The following CCDC91 variants were observed in gnomAD, a reference collection of about 807,000 sequenced individuals.
The protein encoded by CCDC91 is coiled-coil domain containing 91, also known as coiled-coil domain-containing protein 91.
A neutral mutation model predicts 63.2 loss-of-function variants in CCDC91; 48 were observed. The observed-to-expected ratio is 0.76, with a 90% confidence interval of 0.60 to 0.97. The LOEUF (loss-of-function observed/expected upper bound fraction) is 0.97. Among genes scored for constraint, CCDC91 ranks in the 50% least tolerant of loss-of-function variants. The pLI, the probability that CCDC91 is intolerant of heterozygous loss-of-function variation, is 0.00. For synonymous variants in CCDC91, 167 were observed against 165.8 expected, an observed-to-expected ratio of 1.01 and a Z score of -0.06; for missense variants, 500 against 494.6, an observed-to-expected ratio of 1.01 and a Z score of -0.10.
At chr12:28,292,169 A>G (rs1208612392) in intron 3 of CCDC91, among the ~76,000 whole-genome samples, 1 of 152,250 alleles carries the variant, frequency 6.6e-6, no homozygotes, top group Non-Finnish European at 1.5e-5. Context: ...CAGCAAAAGA[A>G]CATAAAGTGA....
At chr12:28,421,762 T>C (rs1565947057) in intron 8 of CCDC91, among the ~76,000 whole-genome samples, 1 of 152,040 alleles carries the variant, frequency 6.6e-6, no homozygotes, top group Non-Finnish European at 1.5e-5. Context: ...CTTAAGGATT[T>C]TGTACTTGCT....
chr12:28,432,485 A>G (rs1346656023), intron 8 of CCDC91, among the ~76,000 whole-genome samples: 1 of 152,016 alleles, frequency 6.6e-6, no homozygotes, highest in African/African-American at 2.4e-5. Context: ...CTGCCACGTA[A>G]GACTTGCTTG....
chr12:28,425,946 A>C (rs1446519491), intron 8 of CCDC91, among the ~76,000 whole-genome samples: 1 of 152,196 alleles, frequency 6.6e-6, no homozygotes, highest in African/African-American at 2.4e-5. Context: ...CACAATGTTC[A>C]TCCTGTTTCT....
chr12:28,398,132 T>C (rs1417148619), intron 8 of CCDC91, among the ~76,000 whole-genome samples: 1 of 152,184 alleles, frequency 6.6e-6, no homozygotes, highest in Non-Finnish European at 1.5e-5. Context: ...AATCAAGATA[T>C]AGAACATTTC....
chr12:28,264,585 C>CTGTCTGTG (rs1555169638), intron 3 of CCDC91, among the ~76,000 whole-genome samples: 5 of 137,258 alleles, frequency 3.6e-5, no homozygotes, highest in South Asian at 4.7e-4. Context: ...ATATGTCTGT[C>CTGTCTGTG]TGTGTGTGTG....
In CCDC91 at chr12:28,262,865, A is replaced by G. The variant is rs570504049; in HGVS notation, c.109+3423A>G. The stretch of plus-strand genomic sequence containing the variant: ...ATTCCTTTACTCTCCATAAACATTT[A>G]GAAATTATTACTTTATTTTAGTGAA... On this transcript the variant is annotated intron_variant, in intron 3 of 12. Coordinates refer to ENST00000536442, the MANE Select transcript of CCDC91 (RefSeq NM_018318.5). 2.0e-5 allele frequency among the ~76,000 whole-genome samples: 3 copies of G among 152,138 alleles called. No homozygotes were observed. The East Asian group carries it at 5.8e-4, about 29-fold the overall frequency.
Position 28,484,088 on chromosome 12 carries a change from CG to C in CCDC91, c.1139del (p.Arg380GlnfsTer10), listed in dbSNP as rs779165333. 6.2e-7 allele frequency: 1 copy of C among 1,610,782 alleles called. No individual in the cohort carries two copies. ...GGCAGCAATAATAGAAGAGCAGAAA[CG>C]AAGTGAAAAGGCTGTGGAAGAGGCA... ...VKAAIIEEQK[R>X]SEKAVEEAVK... is the part of the protein sequence containing the mutation. On this transcript the variant is annotated frameshift_variant, in exon 12 of 13. Coordinates refer to ENST00000536442, the MANE Select transcript of CCDC91 (RefSeq NM_018318.5). LOFTEE classifies it high-confidence loss of function.
chr12:28,531,709 G>T (rs1426328933), intron 12 of CCDC91, among the ~76,000 whole-genome samples: 1 of 152,128 alleles, frequency 6.6e-6, no homozygotes, highest in African/African-American at 2.4e-5. Context: ...AATAAAGTAA[G>T]TAATTGTCTC....
chr12:28,256,775 T>G (rs1042435638), intron 1 of CCDC91: 1 of 154,772 alleles, frequency 6.5e-6, no homozygotes, highest in African/African-American at 2.4e-5. Flanking sequence ...GCCTTGGCCC[T>G]GAAACCGAGG....
At chr12:28,382,086 A>G (rs1205777871) in intron 7 of CCDC91, among the ~76,000 whole-genome samples, 1 of 152,100 alleles carries the variant, frequency 6.6e-6, no homozygotes, top group Non-Finnish European at 1.5e-5. Flanking sequence ...ATCTAAGTTC[A>G]CAAACTCATT....
chr12:28,347,507 C>T (rs926328181), intron 6 of CCDC91, among the ~76,000 whole-genome samples: 2 of 152,174 alleles, frequency 1.3e-5, no homozygotes, highest in African/African-American at 2.4e-5. Context: ...TCAGTCCATT[C>T]CCATTCAGAT....
rs1943224486 is a variant in CCDC91, at chr12:28,550,000, G to A, written c.*827G>A. On this transcript the variant is annotated 3_prime_UTR_variant, in exon 13 of 13. Coordinates refer to ENST00000536442, the MANE Select transcript of CCDC91 (RefSeq NM_018318.5). ...ATTTCAGAATGTACTTAATTCACAG[G>A]CAGGATGCTTCAATGCAAAATCATG... 6.6e-6 allele frequency: 1 copy of A among 152,404 alleles called. No individual in the cohort carries two copies. The highest frequency in any genetic ancestry group is 1.5e-5 in the Non-Finnish European group (1 of 67,966). The allele number at this position is 152,404 out of a possible 1,614,324, so 9.4% of individuals were successfully genotyped here.
At chr12:28,531,899 T>C (rs1941765405) in intron 12 of CCDC91, among the ~76,000 whole-genome samples, 1 of 152,010 alleles carries the variant, frequency 6.6e-6, no homozygotes, top group Non-Finnish European at 1.5e-5. Context: ...TCAAGTATGA[T>C]GTTTTGGGAT....
chr12:28,530,111 C>T (rs1247445007), intron 12 of CCDC91, among the ~76,000 whole-genome samples: 2 of 152,204 alleles, frequency 1.3e-5, no homozygotes, highest in East Asian at 1.9e-4. Flanking sequence ...TATTTCCCTT[C>T]CCCTTTAATA....
At chr12:28,367,479 G>A (rs1944349178) in intron 7 of CCDC91, among the ~76,000 whole-genome samples, 1 of 152,096 alleles carries the variant, frequency 6.6e-6, no homozygotes, top group Non-Finnish European at 1.5e-5. Flanking sequence ...AATGAATAGG[G>A]GTTTAGGAAT....
intron 7 of CCDC91, among the ~76,000 whole-genome samples, chr12:28,381,051 A>G (rs1378273668): frequency 6.6e-6 from 1 of 152,094 alleles, no homozygotes; most frequent in Non-Finnish European, 1.5e-5. Context: ...ACAAAAAACT[A>G]TTTGTAAAGA....
intron 1 of CCDC91, among the ~76,000 whole-genome samples, chr12:28,208,635 C>CTTA (rs1943017976): frequency 6.6e-6 from 1 of 151,976 alleles, no homozygotes; most frequent in East Asian, 1.9e-4. Context: ...GAAATAGAAT[C>CTTA]CAGGTTACTG....
chr12:28,379,994 C>T (rs1429654229), intron 7 of CCDC91, among the ~76,000 whole-genome samples: 1 of 152,082 alleles, frequency 6.6e-6, no homozygotes, highest in Non-Finnish European at 1.5e-5. Flanking sequence ...ACTATGCAGC[C>T]ATAAAAAAGG....
At chr12:28,390,089 G>A (rs188684089) in intron 7 of CCDC91, among the ~76,000 whole-genome samples, 36 of 152,188 alleles carry the variant, frequency 2.4e-4, no homozygotes, top group Admixed American at 1.6e-3. Context: ...TCATAGTGAC[G>A]AATACTGAAT....
Sources: gnomAD v4.1 joint callset for allele counts (sites outside exome capture counted in the v4.1 genomes callset) on GRCh38, gnomAD v4.1.1 for gene constraint, MANE v1.5 for transcripts, NCBI Gene and HGNC (gene_info 2026-07-23, HGNC 2026-07-21) for gene names.